Variants in RUFY1 observed in about 807,000 individuals in gnomAD.
The protein encoded by RUFY1 is RUN and FYVE domain-containing protein 1.
Under a neutral mutation model 94.6 loss-of-function variants are expected in RUFY1, and 54 were observed. The ratio of observed to expected loss-of-function variants is 0.57; its 90% CI spans 0.46 to 0.72. RUFY1 has a LOEUF of 0.72. RUFY1 is among the 30% of genes least tolerant of loss of function. The pLI, the probability that RUFY1 is intolerant of heterozygous loss-of-function variation, is 0.00. For missense variants in RUFY1, 883 were observed against 883.9 expected, an observed-to-expected ratio of 1.00 and a Z score of 0.01; for synonymous variants, 396 against 347.3, an observed-to-expected ratio of 1.14 and a Z score of -1.56.
At chr5:179,581,720 G>A (rs1247892926) in intron 7 of RUFY1, among the ~76,000 whole-genome samples, 2 of 145,854 alleles carry the variant, frequency 1.4e-5, no homozygotes, top group Non-Finnish European at 3.0e-5. Context: ...TCACTCTGTT[G>A]CCCAGGCTGA....
chr5:179,581,589 G>A lies in RUFY1; in HGVS notation c.956+577G>A, dbSNP rs183720405. 9.0e-4 allele frequency among the ~76,000 whole-genome samples: 137 copies of A among 151,954 alleles called. 2 individuals are homozygous for A. Among genetic ancestry groups the A allele is most frequent in the African/African-American group, 3.3e-3 (136 of 41,438 alleles). ...ACATTGCACATTACAGTTCTCCACA[G>A]TGGCCACCTCTCCGGCCCCAAAAGC... On this transcript the variant is annotated intron_variant, in intron 7 of 17. Coordinates refer to ENST00000319449, the MANE Select transcript of RUFY1 (RefSeq NM_025158.5).
chr5:179,608,642 C>T, intron 17 of RUFY1: 2 of 985,302 alleles, frequency 2.0e-6, no homozygotes, highest in Non-Finnish European at 2.4e-6. Context: ...TAAAAACACC[C>T]TTAGGCCGGG....
intron 10 of RUFY1, among the ~76,000 whole-genome samples, chr5:179,592,986 C>T (rs554117247): frequency 2.0e-5 from 3 of 152,300 alleles, no homozygotes; most frequent in South Asian, 4.1e-4. Flanking sequence ...TTTAACCGTG[C>T]AGTGAGGAAA....
chr5:179,605,919 C>T lies in RUFY1; in HGVS notation c.1900C>T (p.Leu634=), dbSNP rs201990443. Residue 634 remains leucine, a synonymous_variant, in exon 16 of 18, where the codon CTG becomes TTG. Transcript: ENST00000319449. ...MEDIKEVNQA[L]KGHAWLKDDE... is the part of the protein sequence containing the mutation. Reference sequence around the variant, plus strand: ...AGATATAAAAGAAGTGAACCAGGCACTGAAGGTACTGCCTTGCTAAGAACC... The same window carrying T: ...AGATATAAAAGAAGTGAACCAGGCATTGAAGGTACTGCCTTGCTAAGAACC... 79 of 1,604,684 alleles carry T rather than the reference C, an allele frequency of 4.9e-5. No homozygotes were observed. Among genetic ancestry groups the T allele is most frequent in the Non-Finnish European group, 6.6e-5 (77 of 1,173,168 alleles).
intron 12 of RUFY1, 100 bp downstream of exon 12, chr5:179,595,063 C>T: frequency 1.2e-6 from 1 of 863,730 alleles, no homozygotes. Context: ...AGGGGAGAGG[C>T]TGGGCGCGGT....
intron 8 of RUFY1, among the ~76,000 whole-genome samples, chr5:179,587,382 CT>C (rs368624764): frequency 4.2e-4 from 57 of 136,760 alleles, no homozygotes; most frequent in Middle Eastern, 3.9e-3. Context: ...TTCTTTCTTT[CT>C]TTTTTTTTTT....
intron 1 of RUFY1, chr5:179,555,596 T>C: frequency 2.5e-6 from 1 of 397,504 alleles, no homozygotes; most frequent in Non-Finnish European, 4.9e-6. Flanking sequence ...TTTTTGCTCA[T>C]GTAACCCCCT....
Position 179,601,942 on chromosome 5 carries a change from G to A in RUFY1, c.1812G>A (p.Glu604=), listed in dbSNP as rs371382038. 5 of 1,613,930 alleles carry A rather than the reference G, an allele frequency of 3.1e-6. No individual in the cohort carries two copies. Among genetic ancestry groups the A allele is most frequent in the Non-Finnish European group, 4.2e-6 (5 of 1,179,992 alleles). Residue 604 remains glutamate (E), a synonymous_variant, in exon 15 of 18, where the codon GAG becomes GAA. Transcript: ENST00000319449. ...AGGCAGAGCTGCAGAAGATCTGCGA[G>A]GAGCAGGAACAAGCCCTCCAGGAAA... The part of the protein sequence containing the change: ...DEKAELQKIC[E]EQEQALQEMG...
intron 15 of RUFY1, 122 bp from the exon 16 acceptor site, chr5:179,605,754 C>T (rs6877888): frequency 1 from 739,845 of 741,280 alleles, 369,223 homozygotes; most frequent in East Asian, 1. Flanking sequence ...TAACAACTCA[C>T]GTTCTGGGTC....
intron 3 of RUFY1, among the ~76,000 whole-genome samples, chr5:179,563,680 C>A (rs551311840): frequency 3.2e-4 from 47 of 147,962 alleles, no homozygotes; most frequent in Admixed American, 5.4e-4. Flanking sequence ...ATTTCATGAC[C>A]TTTTTTTTTT....
In RUFY1 at chr5:179,609,308, G is replaced by A. The variant is rs768607102; in HGVS notation, c.1984-68G>A. On this transcript the variant is annotated intron_variant, in intron 17 of 17. Transcript: ENST00000319449. ...AGCAAATGATGCGCTTCTGGGTCAG[G>A]AAGCAGGGAGGGTGTGCGGATGGCT... 1.4e-4 allele frequency: 223 copies of A among 1,545,522 alleles called. 1 individual carries two copies. The highest frequency in any genetic ancestry group is 5.9e-4 in the Admixed American group (34 of 57,474).
At chr5:179,601,518 G>A (rs115146337) in intron 14 of RUFY1, among the ~76,000 whole-genome samples, 2,092 of 150,680 alleles carry the variant, frequency 0.014, 56 homozygotes, top group African/African-American at 0.046. Flanking sequence ...TCTGGTTGCT[G>A]AATCTTTTTT....
At chr5:179,608,191 A>G in intron 17 of RUFY1, 1 of 553,120 alleles carries the variant, frequency 1.8e-6, no homozygotes, top group Non-Finnish European at 2.3e-6. Context: ...GTAGGGGAAG[A>G]GTTGGGTATA....
At chr5:179,607,414 G>T in intron 16 of RUFY1, 168 bp from the exon 17 acceptor site, 1 of 640,002 alleles carries the variant, frequency 1.6e-6, no homozygotes, top group Non-Finnish European at 2.8e-6. Context: ...CGGCCAGACG[G>T]GGAAAGAGCC....
chr5:179,578,099 G>A (rs10056863), intron 6 of RUFY1, among the ~76,000 whole-genome samples: 46,295 of 151,958 alleles, frequency 0.3, 7,626 homozygotes, highest in East Asian at 0.64. Context: ...TGCCTTACAG[G>A]TATTTGTTGA....
At chr5:179,585,899 C>T (rs781280103) in intron 8 of RUFY1, 34 bp downstream of exon 8, 2 of 1,497,578 alleles carry the variant, frequency 1.3e-6, no homozygotes, top group South Asian at 2.3e-5. Flanking sequence ...TTAGACAAAA[C>T]AGAATGACCC....
intron 9 of RUFY1, 49 bp downstream of exon 9, chr5:179,589,696 C>A (rs1164512567): frequency 2.3e-6 from 3 of 1,317,808 alleles, no homozygotes; most frequent in Non-Finnish European, 3.3e-6. Context: ...CTCAGACACA[C>A]CTATTGTCAA....
intron 1 of RUFY1, among the ~76,000 whole-genome samples, chr5:179,556,561 C>T (rs1033791215): frequency 7.3e-5 from 11 of 151,266 alleles, no homozygotes; most frequent in African/African-American, 2.2e-4. Flanking sequence ...AATGCAGTGG[C>T]GCAATCTCGG....
intron 5 of RUFY1, among the ~76,000 whole-genome samples, chr5:179,571,677 G>A (rs1763236521): frequency 6.6e-6 from 1 of 152,176 alleles, no homozygotes; most frequent in Non-Finnish European, 1.5e-5. Flanking sequence ...ACACCCACCA[G>A]CAGTGTGGGA....
Sources: allele counts gnomAD v4.1 joint callset (sites outside exome capture counted in the v4.1 genomes callset), GRCh38; gene constraint gnomAD v4.1.1; transcripts MANE v1.5; gene names NCBI Gene and HGNC (gene_info 2026-07-23, HGNC 2026-07-21).